LARP1: variants seen among roughly 807,000 people sequenced by gnomAD.
The protein encoded by LARP1 is La ribonucleoprotein 1, translational regulator, also known as la-related protein 1.
LARP1 carries 36 observed loss-of-function variants against 122.7 expected under a neutral mutation model. That is an observed-to-expected ratio of 0.29 (90% confidence interval 0.22 to 0.39). The LOEUF (loss-of-function observed/expected upper bound fraction) is 0.39. Ranked by LOEUF, LARP1 falls within the 10% of genes least tolerant of loss-of-function variation. LARP1 has a pLI of 1.00. For synonymous variants in LARP1, 539 were observed against 528.7 expected, an observed-to-expected ratio of 1.02 and a Z score of -0.27; for missense variants, 1,040 against 1,403.6, an observed-to-expected ratio of 0.74 and a Z score of 4.14.
At chr5:154,770,878 C>A (rs111590580) in intron 1 of LARP1, among the ~76,000 whole-genome samples, 2 of 151,878 alleles carry the variant, frequency 1.3e-5, no homozygotes, top group Non-Finnish European at 2.9e-5. Context: ...TTTGGGAGGC[C>A]GAGGCAGGTG....
At position 154,808,621 on chromosome 5, in the gene LARP1, G is replaced by A. The variant is rs113050851; in HGVS notation, c.2843+18G>A. The A allele has an allele frequency of 1.3e-4, 213 of 1,606,428 alleles. 2 individuals are homozygous for A. The East Asian group carries it at 4.4e-3, about 33-fold the overall frequency. On this transcript the variant is annotated intron_variant, in intron 16 of 18. Coordinates refer to ENST00000518297, the MANE Select transcript of LARP1 (RefSeq NM_033551.3). ...GGCTACAGGTGAGCAGGTTTGGGTG[G>A]GGGACTTTGGCTGGTGCTTAGGGAT... is the stretch of plus-strand genomic sequence containing the variant.
chr5:154,741,368 A>G (rs1752872320), intron 1 of LARP1, among the ~76,000 whole-genome samples: 1 of 152,222 alleles, frequency 6.6e-6, no homozygotes, highest in Non-Finnish European at 1.5e-5. Context: ...GGGATACTAA[A>G]GGTGAATAAA....
intron 1 of LARP1, among the ~76,000 whole-genome samples, chr5:154,696,282 G>A (rs1343963030): frequency 1.3e-5 from 2 of 152,128 alleles, no homozygotes; most frequent in African/African-American, 2.4e-5. Flanking sequence ...GCTTGAGCCT[G>A]GGAGGTTGAG....
chr5:154,734,183 A>T (rs1756751998), intron 1 of LARP1, among the ~76,000 whole-genome samples: 1 of 151,888 alleles, frequency 6.6e-6, no homozygotes, highest in South Asian at 2.1e-4. Context: ...AAAAAAAAAT[A>T]GTACCTACCT....
Position 154,813,969 on chromosome 5 carries a change from C to T in LARP1, c.3164C>T (p.Pro1055Leu). The change falls in exon 19 of 19, where the codon CCC becomes CTC. Residue 1055 changes from proline to leucine, a missense_variant. By Grantham distance (98) the Pro-to-Leu change is moderately conservative. Coordinates refer to ENST00000518297, the MANE Select transcript of LARP1 (RefSeq NM_033551.3). Reference sequence around the variant, plus strand: ...GGCGGTGAGGGCAGGAAGCGGTGCCCCTCCCAGTCTTCCAGCAGGCCTGCT... The same window carrying T: ...GGCGGTGAGGGCAGGAAGCGGTGCCTCTCCCAGTCTTCCAGCAGGCCTGCT... ...GGGGEGRKRC[P>L]SQSSSRPAAM... 6.2e-7 allele frequency: 1 copy of T among 1,614,036 alleles called. No homozygotes were observed. Among genetic ancestry groups the T allele is most frequent in the Non-Finnish European group, 8.5e-7 (1 of 1,179,968 alleles).
chr5:154,723,148 C>T (rs1486718772), intron 1 of LARP1, among the ~76,000 whole-genome samples: 1 of 152,242 alleles, frequency 6.6e-6, no homozygotes, highest in Non-Finnish European at 1.5e-5. Context: ...TCTGGACTCT[C>T]ACCAGGAGTC....
In LARP1 at chr5:154,815,210, A is replaced by G. The variant is rs375073844; in HGVS notation, c.*1114A>G. On this transcript the variant is annotated 3_prime_UTR_variant, in exon 19 of 19. Transcript: ENST00000518297. ...CTCGAATCAGAGCCGTGCCCAAGATATCCCTGCTGTTGCATCGTTTGAAGC... is the reference window on the plus strand; with the variant it reads ...CTCGAATCAGAGCCGTGCCCAAGATGTCCCTGCTGTTGCATCGTTTGAAGC... 10 of 152,496 alleles carry G rather than the reference A, an allele frequency of 6.6e-5. No homozygotes were observed. The highest frequency in any genetic ancestry group is 1.9e-4 in the East Asian group (1 of 5,140). 9.4% of individuals were successfully genotyped at this position (152,496 alleles called of 1,614,324 possible). A position where few individuals can be genotyped will look rare whatever the true frequency, so the allele number is the denominator to read the frequency against.
intron 1 of LARP1, among the ~76,000 whole-genome samples, chr5:154,689,211 T>C (rs1182630611): frequency 6.6e-6 from 1 of 152,186 alleles, no homozygotes; most frequent in Non-Finnish European, 1.5e-5. Context: ...CCCAGCACTC[T>C]GGGAGGCCTA....
chr5:154,796,240 T>C (rs1253981745), intron 8 of LARP1, among the ~76,000 whole-genome samples: 1 of 143,976 alleles, frequency 6.9e-6, no homozygotes, highest in African/African-American at 2.6e-5. Context: ...ACCTATAGGC[T>C]GGGTGCAGTG....
upstream of LARP1, among the ~76,000 whole-genome samples, chr5:154,709,598 ATTT>A (rs60062105): frequency 4.0e-3 from 324 of 81,368 alleles, 1 homozygote; most frequent in African/African-American, 0.011. Context: ...CTCCAGTGAG[ATTT>A]TTTTTTTTTT....
intron 1 of LARP1, among the ~76,000 whole-genome samples, chr5:154,715,264 C>CTTTT (rs35808885): frequency 1.1e-5 from 1 of 90,234 alleles, no homozygotes; most frequent in African/African-American, 5.0e-5. Flanking sequence ...GCAAGCCTCT[C>CTTTT]TTTTTTTTTT....
intron 1 of LARP1, among the ~76,000 whole-genome samples, chr5:154,763,149 C>G (rs1449870847): frequency 2.6e-5 from 4 of 151,514 alleles, no homozygotes; most frequent in African/African-American, 7.3e-5. Flanking sequence ...CAACCTATGC[C>G]TCCTGGGTTC....
intron 1 of LARP1, among the ~76,000 whole-genome samples, chr5:154,765,592 C>T (rs1754876354): frequency 6.6e-6 from 1 of 152,158 alleles, no homozygotes; most frequent in African/African-American, 2.4e-5. Flanking sequence ...TGGGGTCTCA[C>T]TATGTTGCCC....
chr5:154,800,650 T>C (rs1420987316), intron 10 of LARP1, among the ~76,000 whole-genome samples: 4 of 152,218 alleles, frequency 2.6e-5, no homozygotes, highest in Non-Finnish European at 4.4e-5. Flanking sequence ...GTTAAAGAAG[T>C]ATTGCAATCT....
At chr5:154,748,062 C>T (rs1753297882) in intron 1 of LARP1, among the ~76,000 whole-genome samples, 1 of 152,182 alleles carries the variant, frequency 6.6e-6, no homozygotes, top group South Asian at 2.1e-4. Flanking sequence ...ATTGGCCACG[C>T]TTGTCCTGAA....
At chr5:154,772,655 T>A (rs1755534600) in intron 1 of LARP1, among the ~76,000 whole-genome samples, 1 of 152,222 alleles carries the variant, frequency 6.6e-6, no homozygotes, top group Non-Finnish European at 1.5e-5. Flanking sequence ...ATAAAAGTTA[T>A]GTGAATGTGG....
chr5:154,690,505 A>C (rs1239391724), intron 1 of LARP1, among the ~76,000 whole-genome samples: 1 of 152,206 alleles, frequency 6.6e-6, no homozygotes, highest in Non-Finnish European at 1.5e-5. Flanking sequence ...GAAGAAACAG[A>C]AGTACAGAGA....
At chr5:154,795,075 C>T in intron 7 of LARP1, 100 bp from the exon 8 acceptor site, 1 of 1,137,144 alleles carries the variant, frequency 8.8e-7, no homozygotes, top group Non-Finnish European at 1.3e-6. Context: ...AGGTCAGAGG[C>T]TGTGTGAGAT....
upstream of LARP1, among the ~76,000 whole-genome samples, chr5:154,709,185 C>T (rs1398762291): frequency 6.6e-6 from 1 of 152,228 alleles, no homozygotes; most frequent in Admixed American, 6.5e-5. Flanking sequence ...GCAGAATCAA[C>T]TCTTCACCAA....
Sources: allele counts gnomAD v4.1 joint callset (sites outside exome capture counted in the v4.1 genomes callset), GRCh38; gene constraint gnomAD v4.1.1; transcripts MANE v1.5; gene names NCBI Gene and HGNC (gene_info 2026-07-23, HGNC 2026-07-21).